TTC27: variants seen among roughly 807,000 people sequenced by gnomAD.
TTC27 encodes tetratricopeptide repeat protein 27.
TTC27 carries 79 observed loss-of-function variants against 115.9 expected under a neutral mutation model. That is an observed-to-expected ratio of 0.68 (90% confidence interval 0.57 to 0.82). TTC27 has a LOEUF of 0.82. Ranked by LOEUF, TTC27 falls within the 40% of genes least tolerant of loss-of-function variation. TTC27 has a pLI of 0.00. For missense variants in TTC27, 1,054 were observed against 993.1 expected (o/e 1.06, Z -0.82); for synonymous variants, 401 against 356.0 (o/e 1.13, Z -1.42).
chr2:32,660,996 G>C (rs896173038), intron 5 of TTC27, among the ~76,000 whole-genome samples: 1 of 152,158 alleles, frequency 6.6e-6, no homozygotes, highest in Non-Finnish European at 1.5e-5. Flanking sequence ...TGGCTAGCCA[G>C]TTTTCCCAAC....
chr2:32,707,105 T>C (rs1667399991), intron 10 of TTC27, among the ~76,000 whole-genome samples: 1 of 152,242 alleles, frequency 6.6e-6, no homozygotes, highest in African/African-American at 2.4e-5. Flanking sequence ...AGAAATGTTT[T>C]GAAGGTGGCT....
chr2:32,666,785 G>T lies in TTC27; in HGVS notation c.939+17G>T. ...TTAACCAAGGCAAGTAGGACATTAA[G>T]TTATTAAATTCAATTAACACCTGAG... On this transcript the variant is annotated intron_variant, in intron 7 of 19. Transcript: ENST00000317907. 6.2e-7 allele frequency: 1 copy of T among 1,609,484 alleles called. No individual in the cohort carries two copies. The highest frequency in any genetic ancestry group is 8.5e-7 in the Non-Finnish European group (1 of 1,177,988).
intron 5 of TTC27, among the ~76,000 whole-genome samples, chr2:32,662,244 C>G (rs182713132): frequency 0.07 from 10,584 of 152,084 alleles, 410 homozygotes; most frequent in East Asian, 0.13. Flanking sequence ...TTTGTTGTGT[C>G]TCTGCCAGGT....
intron 7 of TTC27, among the ~76,000 whole-genome samples, chr2:32,669,080 A>G (rs1453349089): frequency 6.6e-6 from 1 of 150,520 alleles, no homozygotes; most frequent in East Asian, 1.9e-4. Context: ...CTCCATCTCA[A>G]AAAAAAAAAT....
At chr2:32,731,205 A>T (rs1668281169) in intron 10 of TTC27, among the ~76,000 whole-genome samples, 1 of 150,380 alleles carries the variant, frequency 6.6e-6, no homozygotes, top group South Asian at 2.1e-4. Context: ...AGTGATTCTC[A>T]TGCCTCAGCC....
chr2:32,753,429 C>CTTCT (rs1669085633), intron 12 of TTC27, among the ~76,000 whole-genome samples: 1 of 72,848 alleles, frequency 1.4e-5, no homozygotes, highest in Non-Finnish European at 2.4e-5. Flanking sequence ...AATCAAATGC[C>CTTCT]TTTTTTTTTT....
chr2:32,646,091 C>T (rs754409966), intron 4 of TTC27, among the ~76,000 whole-genome samples: 3 of 149,998 alleles, frequency 2.0e-5, no homozygotes, highest in South Asian at 2.1e-4. Context: ...TGCAGTGGTG[C>T]AATCTTGGCT....
intron 9 of TTC27, among the ~76,000 whole-genome samples, chr2:32,695,575 C>T (rs1338678751): frequency 1.3e-5 from 2 of 151,906 alleles, no homozygotes; most frequent in East Asian, 1.9e-4. Context: ...AAAAAGTAGC[C>T]ATGCGTGGTG....
intron 10 of TTC27, among the ~76,000 whole-genome samples, chr2:32,705,996 T>G (rs1258486348): frequency 2.6e-5 from 4 of 152,052 alleles, no homozygotes; most frequent in Non-Finnish European, 4.4e-5. Context: ...CATGTATTTA[T>G]TTACTTGATT....
intron 16 of TTC27, among the ~76,000 whole-genome samples, chr2:32,806,070 C>T (rs1469454624): frequency 6.6e-6 from 1 of 152,178 alleles, no homozygotes; most frequent in Non-Finnish European, 1.5e-5. Context: ...GGTCCTGTTT[C>T]CCCAAGAGTC....
In TTC27 at chr2:32,777,901, T is replaced by G. The variant is rs771864216; in HGVS notation, c.1700T>G (p.Leu567Arg). The G allele has an allele frequency of 4.3e-6, 7 of 1,614,186 alleles. No homozygotes were observed. ...NPMQLGVWFS[L>R]GCAYLALEDY... is the part of the protein sequence containing the mutation. ...TTGCAGCTCGGGGTGTGGTTTTCTC[T>G]CGGTTGTGCCTATTTGGCCTTGGAA... The change falls in exon 14 of 20, where the codon CTC (leucine) becomes CGC (arginine). Residue 567 changes from leucine (L) to arginine (R), a missense_variant. Leu to Arg is a moderately radical substitution (Grantham distance 102). Coordinates refer to ENST00000317907, the MANE Select transcript of TTC27 (RefSeq NM_017735.5).
At chr2:32,645,630 T>A (rs1166295657) in intron 4 of TTC27, among the ~76,000 whole-genome samples, 1 of 152,188 alleles carries the variant, frequency 6.6e-6, no homozygotes, top group African/African-American at 2.4e-5. Flanking sequence ...ACATGTGCCA[T>A]GTTGGTGTGC....
chr2:32,785,968 T>C (rs1159118174), intron 15 of TTC27, among the ~76,000 whole-genome samples: 1 of 152,174 alleles, frequency 6.6e-6, no homozygotes, highest in African/African-American at 2.4e-5. Flanking sequence ...TCTTATTTCA[T>C]TTCTCCCTGT....
At chr2:32,705,099 G>A (rs1481617965) in intron 10 of TTC27, 4 of 348,896 alleles carry the variant, frequency 1.1e-5, no homozygotes, top group Admixed American at 7.3e-5. Context: ...ACGGGAGGGA[G>A]CAGACCCCTC....
intron 9 of TTC27, among the ~76,000 whole-genome samples, chr2:32,686,221 G>A (rs555285558): frequency 1.3e-5 from 2 of 152,288 alleles, no homozygotes; most frequent in African/African-American, 2.4e-5. Flanking sequence ...TGGATCGGAA[G>A]GCTCAGTATG....
chr2:32,805,780 C>T (rs1208567778), intron 16 of TTC27, among the ~76,000 whole-genome samples: 2 of 152,196 alleles, frequency 1.3e-5, no homozygotes, highest in African/African-American at 4.8e-5. Flanking sequence ...TATATTGCTT[C>T]ACACTTTTCA....
chr2:32,664,970 T>C (rs1665714643), intron 6 of TTC27, among the ~76,000 whole-genome samples: 1 of 152,008 alleles, frequency 6.6e-6, no homozygotes, highest in Admixed American at 6.6e-5. Context: ...GTAGCTAGGA[T>C]TACGGGTGCC....
At chr2:32,722,450 A>G (rs1218647360) in intron 10 of TTC27, among the ~76,000 whole-genome samples, 1 of 152,198 alleles carries the variant, frequency 6.6e-6, no homozygotes, top group Non-Finnish European at 1.5e-5. Flanking sequence ...ACTTTACTGA[A>G]CACTCATATG....
At chr2:32,783,031 A>G (rs1670234511) in intron 15 of TTC27, among the ~76,000 whole-genome samples, 2 of 152,180 alleles carry the variant, frequency 1.3e-5, no homozygotes, top group Non-Finnish European at 1.5e-5. Context: ...GCTTTGTACT[A>G]GACATTATTG....
Sources: allele counts gnomAD v4.1 joint callset (sites outside exome capture counted in the v4.1 genomes callset), GRCh38; gene constraint gnomAD v4.1.1; transcripts MANE v1.5; gene names NCBI Gene and HGNC (gene_info 2026-07-23, HGNC 2026-07-21).